ZNF148: variants seen among roughly 807,000 people sequenced by gnomAD.
ZNF148 encodes Beta-Enolase Repressor Factor-1.
A neutral mutation model predicts 67.7 loss-of-function variants in ZNF148; 7 were observed. The observed-to-expected ratio is 0.10, with a 90% CI of 0.06 to 0.19. The LOEUF (loss-of-function observed/expected upper bound fraction) is 0.19. Among genes scored for constraint, ZNF148 ranks in the 10% least tolerant of loss-of-function variants. The pLI, the probability that ZNF148 is intolerant of heterozygous loss-of-function variation, is 1.00. For missense variants in ZNF148, 583 were observed against 947.1 expected (o/e 0.62, Z 5.05); for synonymous variants, 333 against 330.7 (o/e 1.01, Z -0.08).
At chr3:125,346,586 C>T (rs1020865430) in intron 1 of ZNF148, among the ~76,000 whole-genome samples, 12 of 152,176 alleles carry the variant, frequency 7.9e-5, no homozygotes, top group Admixed American at 2.6e-4. Flanking sequence ...TTGGATCACA[C>T]GAGCAGTTCC....
intron 5 of ZNF148, among the ~76,000 whole-genome samples, chr3:125,287,166 T>C (rs17330607): frequency 0.29 from 44,437 of 152,054 alleles, 7,096 homozygotes; most frequent in Middle Eastern, 0.38. Flanking sequence ...TCACAAATTT[T>C]TAAAAAGCCA....
chr3:125,254,425 T>C (rs919697642), intron 7 of ZNF148, among the ~76,000 whole-genome samples: 5 of 152,230 alleles, frequency 3.3e-5, no homozygotes, highest in African/African-American at 1.2e-4. Flanking sequence ...GATTATTCTA[T>C]CTCACAGATA....
intron 4 of ZNF148, among the ~76,000 whole-genome samples, chr3:125,302,560 C>T (rs1444131811): frequency 6.6e-6 from 1 of 152,152 alleles, no homozygotes; most frequent in African/African-American, 2.4e-5. Context: ...TTCTGCCCAT[C>T]TGGTATATCG....
At chr3:125,299,053 TAGAC>T (rs1330919485) in intron 4 of ZNF148, among the ~76,000 whole-genome samples, 1 of 152,252 alleles carries the variant, frequency 6.6e-6, no homozygotes, top group Non-Finnish European at 1.5e-5. Context: ...ATTAGAGTAG[TAGAC>T]AGACATTGGA....
intron 7 of ZNF148, among the ~76,000 whole-genome samples, chr3:125,256,899 A>C (rs1402240829): frequency 6.7e-6 from 1 of 148,320 alleles, no homozygotes; most frequent in African/African-American, 2.5e-5. Flanking sequence ...GTTGTCTCTA[A>C]TCTTCCATTA....
intron 7 of ZNF148, among the ~76,000 whole-genome samples, chr3:125,249,240 G>C (rs563758381): frequency 6.6e-6 from 1 of 152,158 alleles, no homozygotes; most frequent in East Asian, 1.9e-4. Flanking sequence ...CCTATGGAAT[G>C]GGAAAAAACA....
At chr3:125,282,427 T>TG (rs1938440469) in intron 5 of ZNF148, among the ~76,000 whole-genome samples, 1 of 152,162 alleles carries the variant, frequency 6.6e-6, no homozygotes, top group African/African-American at 2.4e-5. Context: ...CTAAGATGCC[T>TG]GCTAGACATC....
chr3:125,284,708 TA>T (rs1468916264), intron 5 of ZNF148, among the ~76,000 whole-genome samples: 2 of 152,190 alleles, frequency 1.3e-5, no homozygotes, highest in African/African-American at 2.4e-5. Flanking sequence ...ATTTGATATT[TA>T]AAAGGTGTAA....
chr3:125,289,754 G>T (rs1177581511), intron 4 of ZNF148, among the ~76,000 whole-genome samples: 2 of 152,140 alleles, frequency 1.3e-5, no homozygotes, highest in African/African-American at 4.8e-5. Context: ...AATGTAGCAT[G>T]TGGCAACAAA....
chr3:125,350,221 G>A (rs929003630), intron 1 of ZNF148, among the ~76,000 whole-genome samples: 6 of 152,192 alleles, frequency 3.9e-5, no homozygotes, highest in Middle Eastern at 3.4e-3. Flanking sequence ...GTGCAGTGGC[G>A]CAATCTCGGC....
intron 7 of ZNF148, among the ~76,000 whole-genome samples, chr3:125,273,155 TAGTCAAGAGTAAATCAAC>T (rs1937848318): frequency 6.6e-6 from 1 of 152,214 alleles, no homozygotes; most frequent in Admixed American, 6.5e-5. Flanking sequence ...TAAGCTAAGT[TAGTCAAGAGTAAATCAAC>T]ATTCTCTCTA....
chr3:125,362,904 T>A (rs983800095), intron 1 of ZNF148, among the ~76,000 whole-genome samples: 5 of 152,164 alleles, frequency 3.3e-5, no homozygotes, highest in African/African-American at 1.2e-4. Flanking sequence ...CACCTTGCTT[T>A]ATGTCACTGT....
At chr3:125,299,828 C>T (rs111483878) in intron 4 of ZNF148, among the ~76,000 whole-genome samples, 8 of 152,266 alleles carry the variant, frequency 5.3e-5, no homozygotes, top group East Asian at 1.9e-4. Flanking sequence ...TTTAAAGAGC[C>T]ATGTGGTATG....
At chr3:125,346,153 G>C (rs1941933564) in intron 1 of ZNF148, among the ~76,000 whole-genome samples, 1 of 152,196 alleles carries the variant, frequency 6.6e-6, no homozygotes, top group African/African-American at 2.4e-5. Flanking sequence ...TCTCAGAAAT[G>C]CAAGGTTGGC....
At chr3:125,340,768 C>T (rs570872936) in intron 1 of ZNF148, among the ~76,000 whole-genome samples, 4 of 151,998 alleles carry the variant, frequency 2.6e-5, no homozygotes, top group Admixed American at 1.3e-4. Context: ...GGGCGGATCA[C>T]GAGGTCAGGA....
intron 7 of ZNF148, among the ~76,000 whole-genome samples, chr3:125,261,769 G>A (rs1937350925): frequency 6.6e-6 from 1 of 150,692 alleles, no homozygotes; most frequent in South Asian, 2.1e-4. Flanking sequence ...CAAGAAAACA[G>A]AGGTCTAAGA....
chr3:125,253,396 T>G (rs58755666), intron 7 of ZNF148, among the ~76,000 whole-genome samples: 82,032 of 151,968 alleles, frequency 0.54, 23,310 homozygotes, highest in Middle Eastern at 0.67. Context: ...TCTATGTATT[T>G]AAAATAATTT....
chr3:125,231,095 G>A lies in ZNF148; in HGVS notation c.*1246C>T, dbSNP rs1935837794. 1.3e-5 allele frequency: 2 copies of A among 152,388 alleles called. No individual in the cohort carries two copies. The highest frequency in any genetic ancestry group is 2.9e-5 in the Non-Finnish European group (2 of 67,922). 9.4% of individuals were successfully genotyped at this position (152,388 alleles called of 1,614,324 possible). A position where few individuals can be genotyped will look rare whatever the true frequency, so the allele number is the denominator to read the frequency against. On this transcript the variant is annotated 3_prime_UTR_variant, in exon 9 of 9. Transcript: ENST00000360647. ...CACTCATCTAGCTGAAAAAGAAATG[G>A]TAGTTACTGGAATTAGTAAACACTT...
chr3:125,330,984 ATAT>A (rs1230921494), intron 2 of ZNF148, among the ~76,000 whole-genome samples, 171 bp downstream of exon 2: 1 of 152,120 alleles, frequency 6.6e-6, no homozygotes. Context: ...CCATATCTAC[ATAT>A]TATTTATAAT....
Sources: allele counts gnomAD v4.1 joint callset (sites outside exome capture counted in the v4.1 genomes callset), GRCh38; gene constraint gnomAD v4.1.1; transcripts MANE v1.5; gene names NCBI Gene and HGNC (gene_info 2026-07-23, HGNC 2026-07-21).